GUCA2B: variants seen among roughly 807,000 people sequenced by gnomAD.
GUCA2B encodes prepro-uroguanylin.
A neutral mutation model predicts 11.1 loss-of-function variants in GUCA2B; 7 were observed. The ratio of observed to expected loss-of-function variants is 0.63; its 90% CI spans 0.36 to 1.18. The LOEUF is 1.18. Among genes scored for constraint, GUCA2B ranks in the 50% most tolerant of loss-of-function variants. The pLI is 0.02. For missense variants in GUCA2B, 140 were observed against 142.5 expected (o/e 0.98, Z 0.09); for synonymous variants, 69 against 65.3 (o/e 1.06, Z -0.27).
At chr1:42,153,706 G>A (rs2297566) in intron 1 of GUCA2B, among the ~76,000 whole-genome samples, 166 bp downstream of exon 1, 26,123 of 152,176 alleles carry the variant, frequency 0.17, 2,330 homozygotes, top group South Asian at 0.25. Flanking sequence ...GTGGGTGGGG[G>A]CAGCCAGATG....
intron 2 of GUCA2B, 70 bp from the exon 3 acceptor site, chr1:42,155,465 A>G: frequency 1.6e-6 from 2 of 1,237,670 alleles, no homozygotes; most frequent in East Asian, 4.6e-5. Flanking sequence ...ATTCCCAAGC[A>G]GACCTCTTCT....
intron 1 of GUCA2B, among the ~76,000 whole-genome samples, chr1:42,153,766 C>T (rs998249725): frequency 1.3e-5 from 2 of 152,214 alleles, no homozygotes; most frequent in Non-Finnish European, 2.9e-5. Flanking sequence ...TTCAGCGCTG[C>T]TCCCCTCAAA....
chr1:42,154,744 C>T lies in GUCA2B; in HGVS notation c.155C>T (p.Ala52Val), dbSNP rs149643645. 28 of 1,613,886 alleles carry T rather than the reference C, an allele frequency of 1.7e-5. No individual in the cohort carries two copies. Among genetic ancestry groups the T allele is most frequent in the Non-Finnish European group, 2.4e-5 (28 of 1,179,862 alleles). ...KKLSDLEAQW[A>V]PSPRLQAQSL... is the part of the protein sequence containing the mutation. ...CTGAGTGACCTGGAGGCACAGTGGG[C>T]ACCCAGCCCCCGCCTGCAGGCCCAG... The change falls in exon 2 of 3, where the codon GCA becomes GTA. Residue 52 changes from alanine to valine, a missense_variant. Coordinates refer to ENST00000372581, the MANE Select transcript of GUCA2B (RefSeq NM_007102.3).
intron 2 of GUCA2B, among the ~76,000 whole-genome samples, chr1:42,155,149 G>A (rs1261630700): frequency 6.6e-6 from 1 of 152,240 alleles, no homozygotes; most frequent in African/African-American, 2.4e-5. Context: ...CGATGGGACA[G>A]GGGTGTGAAA....
In GUCA2B at chr1:42,154,877, C is replaced by T; in HGVS notation, c.277+11C>T. 6.3e-7 allele frequency: 1 copy of T among 1,599,726 alleles called. No homozygotes were observed. The highest frequency in any genetic ancestry group is 8.5e-7 in the Non-Finnish European group (1 of 1,170,350). ...TCTTCAAGACCCTGAGTAAGTGCCC[C>T]CGCTCCCTGCAGAACCTCGCTCTGT... On this transcript the variant is annotated intron_variant, in intron 2 of 2. Coordinates refer to ENST00000372581, the MANE Select transcript of GUCA2B (RefSeq NM_007102.3).
In GUCA2B at chr1:42,153,492, C is replaced by T. The variant is rs373654533; in HGVS notation, c.42C>T (p.Ala14=). 8.1e-6 allele frequency: 13 copies of T among 1,612,722 alleles called. No individual in the cohort carries two copies. The highest frequency in any genetic ancestry group is 5.3e-5 in the African/African-American group (4 of 74,910). ...RAASGLLPGV[A]VVLLLLLQST... ...CATCAGGGCTCCTGCCAGGAGTGGCCGTGGTCCTCCTGCTGCTGCTGCAGA... is the reference window on the plus strand; with the variant it reads ...CATCAGGGCTCCTGCCAGGAGTGGCTGTGGTCCTCCTGCTGCTGCTGCAGA... The change falls in exon 1 of 3, where the codon GCC becomes GCT. Residue 14 remains alanine, a synonymous_variant. Coordinates refer to ENST00000372581, the MANE Select transcript of GUCA2B (RefSeq NM_007102.3).
At chr1:42,154,632 C>A (rs1646099658) in intron 1 of GUCA2B, 48 bp from the exon 2 acceptor site, 1 of 1,503,408 alleles carries the variant, frequency 6.7e-7, no homozygotes, top group South Asian at 1.1e-5. Flanking sequence ...AGTGCCTGCC[C>A]CTGGACCAGG....
chr1:42,154,203 A>T (rs569385696), intron 1 of GUCA2B, among the ~76,000 whole-genome samples: 2 of 152,098 alleles, frequency 1.3e-5, no homozygotes, highest in Non-Finnish European at 2.9e-5. Context: ...GACTCTGGGC[A>T]TGGTCTCCTT....
rs941595964 is a variant in GUCA2B, at chr1:42,155,756, C to T, written c.*160C>T. 2.1e-5 allele frequency: 14 copies of T among 679,008 alleles called. No homozygotes were observed. Among genetic ancestry groups the T allele is most frequent in the South Asian group, 4.9e-5 (3 of 61,040 alleles). The allele number at this position is 679,008 out of a possible 1,614,324, so 42.1% of individuals were successfully genotyped here. A position where few individuals can be genotyped will look rare whatever the true frequency, so the allele number is the denominator to read the frequency against. ...GCAGCTGGATCTGGTACAAAGCAAT[C>T]GGACATAGAGTTGGAGGGGGAGGCC... On this transcript the variant is annotated 3_prime_UTR_variant, in exon 3 of 3. Transcript: ENST00000372581.
At chr1:42,154,423 C>A (rs1031777034) in intron 1 of GUCA2B, among the ~76,000 whole-genome samples, 5 of 152,134 alleles carry the variant, frequency 3.3e-5, no homozygotes, top group Non-Finnish European at 7.3e-5. Flanking sequence ...AGACAGGCAG[C>A]CGGTCATGGG....
intron 1 of GUCA2B, among the ~76,000 whole-genome samples, chr1:42,154,243 G>A (rs1368703837): frequency 6.6e-6 from 1 of 152,154 alleles, no homozygotes; most frequent in South Asian, 2.1e-4. Context: ...CCAGAGAGGG[G>A]TGCAGGAGAC....
chr1:42,154,851 A>G lies in GUCA2B; in HGVS notation c.262A>G (p.Ile88Val), dbSNP rs1646101749. Residue 88 changes from isoleucine (I) to valine (V), a missense_variant, in exon 2 of 3, where the codon ATC becomes GTC. Transcript: ENST00000372581. Reference sequence around the variant, plus strand: ...CTGCGCCTCGCAGGAGGCTTCCAGCATCTTCAAGACCCTGAGTAAGTGCCC... The same window carrying G: ...CTGCGCCTCGCAGGAGGCTTCCAGCGTCTTCAAGACCCTGAGTAAGTGCCC... ...PVCASQEASS[I>V]FKTLRTIAND... 6.2e-7 allele frequency: 1 copy of G among 1,612,930 alleles called. No individual in the cohort carries two copies. The highest frequency in any genetic ancestry group is 1.3e-5 in the African/African-American group (1 of 74,926).
Position 42,154,848 on chromosome 1 carries a change from A to G in GUCA2B, c.259A>G (p.Ser87Gly). ...QPVCASQEAS[S>G]IFKTLRTIAN... ...TGTCTGCGCCTCGCAGGAGGCTTCC[A>G]GCATCTTCAAGACCCTGAGTAAGTG... The change falls in exon 2 of 3, where the codon AGC becomes GGC. Residue 87 changes from serine (S) to glycine (G), a missense_variant. Ser to Gly is a moderately conservative substitution (Grantham distance 56). Coordinates refer to ENST00000372581, the MANE Select transcript of GUCA2B (RefSeq NM_007102.3). The G allele has an allele frequency of 6.2e-7, 1 of 1,613,078 alleles. No homozygotes were observed. Among genetic ancestry groups the G allele is most frequent in the Non-Finnish European group, 8.5e-7 (1 of 1,179,444 alleles).
Position 42,154,731 on chromosome 1 carries a change from G to A in GUCA2B, c.142G>A (p.Glu48Lys), listed in dbSNP as rs775095744. 2 of 1,614,108 alleles carry A rather than the reference G, an allele frequency of 1.2e-6. No individual in the cohort carries two copies. Among genetic ancestry groups the A allele is most frequent in the South Asian group, 2.2e-5 (2 of 91,084 alleles). The change falls in exon 2 of 3, where the codon GAG (glutamate) becomes AAG (lysine). Residue 48 changes from glutamate to lysine, a missense_variant. Glu to Lys is a moderately conservative substitution (Grantham distance 56). Transcript: ENST00000372581. Reference sequence around the variant, plus strand: ...ATCCATGAAGAAGCTGAGTGACCTGGAGGCACAGTGGGCACCCAGCCCCCG... The same window carrying A: ...ATCCATGAAGAAGCTGAGTGACCTGAAGGCACAGTGGGCACCCAGCCCCCG... Reference protein sequence around the residue: ...LESMKKLSDLEAQWAPSPRLQ... With the variant: ...LESMKKLSDLKAQWAPSPRLQ...
chr1:42,154,609 T>C, intron 1 of GUCA2B, 71 bp from the exon 2 acceptor site: 1 of 1,292,236 alleles, frequency 7.7e-7, no homozygotes, highest in Non-Finnish European at 1.1e-6. Context: ...TGAGCAACCC[T>C]GGGTGTCATG....
chr1:42,155,505 G>C, intron 2 of GUCA2B, 30 bp from the exon 3 acceptor site: 6 of 1,599,468 alleles, frequency 3.8e-6, no homozygotes. Context: ...CCCAGGTTCA[G>C]GTCAACTGAC....
Position 42,155,764 on chromosome 1 carries a change from G to A in GUCA2B, c.*168G>A. On this transcript the variant is annotated 3_prime_UTR_variant, in exon 3 of 3. Transcript: ENST00000372581. The stretch of plus-strand genomic sequence containing the variant: ...ATCTGGTACAAAGCAATCGGACATA[G>A]AGTTGGAGGGGGAGGCCCCTGAGGC... 1 of 656,742 alleles carries A rather than the reference G, an allele frequency of 1.5e-6. No homozygotes were observed. Among genetic ancestry groups the A allele is most frequent in the Non-Finnish European group, 2.8e-6 (1 of 361,718 alleles). The allele number at this position is 656,742 out of a possible 1,614,324, so 40.7% of individuals were successfully genotyped here.
In GUCA2B at chr1:42,155,521, C is replaced by G. The variant is rs772385547; in HGVS notation, c.278-14C>G. 6.2e-7 allele frequency: 1 copy of G among 1,611,384 alleles called. No individual in the cohort carries two copies. The highest frequency in any genetic ancestry group is 1.3e-5 in the African/African-American group (1 of 74,884). On this transcript the variant is annotated splice_polypyrimidine_tract_variant and intron_variant, in intron 2 of 2. Coordinates refer to ENST00000372581, the MANE Select transcript of GUCA2B (RefSeq NM_007102.3). ...CCAGGTTCAGGTCAACTGACCAGTT[C>G]TCTCCCTGCCCAGGGACCATCGCTA...
At chr1:42,154,385 A>G (rs907091265) in intron 1 of GUCA2B, among the ~76,000 whole-genome samples, 6 of 152,206 alleles carry the variant, frequency 3.9e-5, no homozygotes, top group African/African-American at 1.4e-4. Context: ...GAGATGTCAG[A>G]TGAGGGAACT....
Sources: gnomAD v4.1 joint callset for allele counts (sites outside exome capture counted in the v4.1 genomes callset) on GRCh38, gnomAD v4.1.1 for gene constraint, MANE v1.5 for transcripts, NCBI Gene and HGNC (gene_info 2026-07-23, HGNC 2026-07-21) for gene names.